Variants in ENTPD5 observed in about 807,000 individuals in gnomAD.
ENTPD5 encodes nucleoside diphosphate phosphatase ENTPD5.
A neutral mutation model predicts 60.2 loss-of-function variants in ENTPD5; 49 were observed. The ratio of observed to expected loss-of-function variants is 0.81; its 90% confidence interval spans 0.65 to 1.03. ENTPD5 has a LOEUF of 1.03. Ranked by LOEUF, ENTPD5 falls within the 50% of genes least tolerant of loss-of-function variation. ENTPD5 has a pLI of 0.00. For missense variants in ENTPD5, 480 were observed against 507.6 expected (o/e 0.95, Z 0.52); for synonymous variants, 187 against 185.4 (o/e 1.01, Z -0.07).
chr14:73,990,953 C>T (rs1002009928), intron 3 of ENTPD5, among the ~76,000 whole-genome samples: 5 of 151,978 alleles, frequency 3.3e-5, no homozygotes, highest in African/African-American at 9.7e-5. Context: ...TGCTTGAAAC[C>T]GGGAAGCAGA....
At chr14:73,970,428 G>A (rs2057174294) in intron 14 of ENTPD5, among the ~76,000 whole-genome samples, 2 of 150,810 alleles carry the variant, frequency 1.3e-5, no homozygotes. Context: ...GAAGGCAGAG[G>A]TTGCAGTGAG....
intron 2 of ENTPD5, among the ~76,000 whole-genome samples, chr14:74,012,175 G>A (rs2058865507): frequency 6.6e-6 from 1 of 152,046 alleles, no homozygotes; most frequent in Admixed American, 6.6e-5. Context: ...CATGATCTCG[G>A]CTCACTGCAA....
downstream of ENTPD5, chr14:73,959,082 AGATCCTGAGCTGCCATCTGGG>A: frequency 6.2e-7 from 1 of 1,614,190 alleles, no homozygotes; most frequent in Non-Finnish European, 8.5e-7. Flanking sequence ...ATCAGAGGTA[AGATCCTGAGCTGCCATCTGGG>A]GACTTTATTC....
chr14:73,973,393 G>C (rs963095415), intron 12 of ENTPD5, among the ~76,000 whole-genome samples: 4 of 152,226 alleles, frequency 2.6e-5, no homozygotes, highest in African/African-American at 7.2e-5. Flanking sequence ...ATAAGAAGAT[G>C]AATCATTCTT....
chr14:74,007,126 A>T (rs918992685), intron 3 of ENTPD5, among the ~76,000 whole-genome samples: 11 of 152,192 alleles, frequency 7.2e-5, no homozygotes, highest in Non-Finnish European at 1.2e-4. Flanking sequence ...CTAGCTGGGC[A>T]TGGTGGCACA....
chr14:74,013,618 C>T (rs1038632215), intron 2 of ENTPD5, among the ~76,000 whole-genome samples: 1 of 152,090 alleles, frequency 6.6e-6, no homozygotes, highest in Non-Finnish European at 1.5e-5. Flanking sequence ...CTGGTCTACA[C>T]CATCTCTCCT....
At chr14:74,001,884 A>C (rs1276448831) in intron 3 of ENTPD5, among the ~76,000 whole-genome samples, 1 of 151,944 alleles carries the variant, frequency 6.6e-6, no homozygotes, top group Non-Finnish European at 1.5e-5. Flanking sequence ...AATGTCCTCA[A>C]GAATTTTTTA....
chr14:74,000,206 T>C (rs151098876), intron 3 of ENTPD5, among the ~76,000 whole-genome samples: 12 of 143,606 alleles, frequency 8.4e-5, no homozygotes, highest in African/African-American at 2.3e-4. Context: ...TCTGTAATCC[T>C]AGCACTTTGG....
Position 74,019,280 on chromosome 14 carries a change from G to T in ENTPD5, c.-268C>A. ...GCGCGCCACCCTTGCGCGGCAGCCCGCCGCCCTCGGCGCGACCTCCGCCCC... is the reference window on the plus strand; with the variant it reads ...GCGCGCCACCCTTGCGCGGCAGCCCTCCGCCCTCGGCGCGACCTCCGCCCC... On this transcript the variant is annotated 5_prime_UTR_variant, in exon 1 of 16. Coordinates refer to ENST00000334696, the MANE Select transcript of ENTPD5 (RefSeq NM_001249.5). 7 of 466,146 alleles carry T rather than the reference G, an allele frequency of 1.5e-5. No individual in the cohort carries two copies. The highest frequency in any genetic ancestry group is 2.0e-5 in the Non-Finnish European group (7 of 349,560). 28.9% of individuals were successfully genotyped at this position (466,146 alleles called of 1,614,324 possible). A position where few individuals can be genotyped will look rare whatever the true frequency, so the allele number is the denominator to read the frequency against.
chr14:73,983,798 CT>C (rs953567175), intron 5 of ENTPD5, among the ~76,000 whole-genome samples: 5 of 151,286 alleles, frequency 3.3e-5, no homozygotes, highest in Non-Finnish European at 5.9e-5. Context: ...TCAAGCGATG[CT>C]TGTGCCTCAG....
intron 5 of ENTPD5, chr14:73,986,474 T>C (rs1419966196): frequency 4.7e-6 from 1 of 211,678 alleles, no homozygotes; most frequent in Non-Finnish European, 9.6e-6. Flanking sequence ...TTATACATCA[T>C]ACCCTACAGA....
chr14:73,956,558 G>C (rs2056447332), downstream of ENTPD5: 1 of 153,328 alleles, frequency 6.5e-6, no homozygotes, highest in South Asian at 2.0e-4. Flanking sequence ...CCATCCTGTT[G>C]AGAGTGAAGT....
rs769402115 is a variant in ENTPD5, at chr14:73,988,010, C to A, written c.93G>T (p.Glu31Asp). ...VSHRNQQTWF[E>D]GIFLSSMCPI... ...GGCACATGGAAGACAGGAAGATACC[C>A]TCAAACCAAGTCTGCTGGTTCCTGT... The change falls in exon 4 of 16, where the codon GAG (glutamate) becomes GAT (aspartate). Residue 31 changes from glutamate (E) to aspartate (D), a missense_variant. Transcript: ENST00000334696. 2 of 1,614,146 alleles carry A rather than the reference C, an allele frequency of 1.2e-6. No homozygotes were observed. The highest frequency in any genetic ancestry group is 8.5e-7 in the Non-Finnish European group (1 of 1,180,034).
Position 73,974,901 on chromosome 14 carries a change from C to G in ENTPD5, c.784+23G>C, listed in dbSNP as rs143162653. ...TCTGTGTCACCCTCACCATCCCCCC[C>G]CAGCACAGGTACCCAGACAAACCTT... is the stretch of plus-strand genomic sequence containing the variant. On this transcript the variant is annotated intron_variant, in intron 11 of 15. Transcript: ENST00000334696. 8 of 1,604,066 alleles carry G rather than the reference C, an allele frequency of 5.0e-6. No homozygotes were observed. The East Asian group carries it at 1.1e-4, about 22-fold the overall frequency.
chr14:74,014,068 A>C (rs1219777974), intron 2 of ENTPD5, among the ~76,000 whole-genome samples: 1 of 152,106 alleles, frequency 6.6e-6, no homozygotes, highest in Non-Finnish European at 1.5e-5. Context: ...TTCTTAGAGA[A>C]CTTTTAGTCT....
intron 6 of ENTPD5, 144 bp downstream of exon 6, chr14:73,982,874 A>T (rs1240927154): frequency 5.3e-6 from 4 of 757,814 alleles, no homozygotes; most frequent in South Asian, 4.7e-5. Context: ...ACAACTAGCT[A>T]TAACAAGTGG....
intron 5 of ENTPD5, among the ~76,000 whole-genome samples, chr14:73,985,962 C>T (rs1241889415): frequency 6.6e-6 from 1 of 151,084 alleles, no homozygotes; most frequent in Non-Finnish European, 1.5e-5. Context: ...GTCCCAGCTA[C>T]TCGGGAGGCT....
chr14:74,007,876 G>A (rs1360062995), intron 3 of ENTPD5: 1 of 147,766 alleles, frequency 6.8e-6, no homozygotes. Flanking sequence ...TGTCACTGAG[G>A]CTGGAGTGCA....
At chr14:74,000,300 T>C (rs961853488) in intron 3 of ENTPD5, among the ~76,000 whole-genome samples, 1 of 150,596 alleles carries the variant, frequency 6.6e-6, no homozygotes, top group Non-Finnish European at 1.5e-5. Flanking sequence ...CCACCAAAAA[T>C]ACAAAAACTA....
Sources: gnomAD v4.1 joint callset for allele counts (sites outside exome capture counted in the v4.1 genomes callset) on GRCh38, gnomAD v4.1.1 for gene constraint, MANE v1.5 for transcripts, NCBI Gene and HGNC (gene_info 2026-07-23, HGNC 2026-07-21) for gene names.